MEGF11: variants seen among roughly 807,000 people sequenced by gnomAD.
The protein encoded by MEGF11 is multiple epidermal growth factor-like domains protein 11.
In MEGF11, 126 loss-of-function variants were observed where a neutral mutation model predicts 146.6. The observed-to-expected ratio is 0.86, with a 90% confidence interval of 0.74 to 1.00. MEGF11 has a LOEUF of 1.00. MEGF11 is among the 50% of genes least tolerant of loss of function. The probability of loss-of-function intolerance (pLI) is 0.00; values close to 1 mark genes in which losing one functional copy is unlikely to be tolerated. For synonymous variants in MEGF11, 532 were observed against 583.4 expected (o/e 0.91, Z 1.27); for missense variants, 1,509 against 1,521.2 (o/e 0.99, Z 0.13).
intron 1 of MEGF11, among the ~76,000 whole-genome samples, chr15:66,151,665 C>G (rs7162499): frequency 0.12 from 18,039 of 152,222 alleles, 2,153 homozygotes; most frequent in African/African-American, 0.31. Flanking sequence ...CCAGGAAGAA[C>G]AGGTCATTAG....
At chr15:65,922,676 G>GA in intron 14 of MEGF11, 147 bp downstream of exon 14, 1 of 1,246,768 alleles carries the variant, frequency 8.0e-7, no homozygotes, top group Non-Finnish European at 1.1e-6. Flanking sequence ...CCTGGGGACA[G>GA]AACTGCAGAG....
chr15:66,041,894 C>G (rs1183934302), intron 5 of MEGF11, among the ~76,000 whole-genome samples: 1 of 152,132 alleles, frequency 6.6e-6, no homozygotes, highest in Non-Finnish European at 1.5e-5. Context: ...AGTGGCAGAG[C>G]TGGGATCTAA....
chr15:66,160,236 A>T (rs2089901071), intron 1 of MEGF11, among the ~76,000 whole-genome samples: 1 of 113,954 alleles, frequency 8.8e-6, no homozygotes, highest in African/African-American at 3.9e-5. Context: ...CCTCCCAAGG[A>T]AAAGCCCTCT....
chr15:66,167,212 A>G (rs2090120778), intron 1 of MEGF11, among the ~76,000 whole-genome samples: 1 of 152,212 alleles, frequency 6.6e-6, no homozygotes, highest in South Asian at 2.1e-4. Flanking sequence ...GAAAGTGCCC[A>G]AGCCCAGGGC....
chr15:66,108,681 CAGGA>C (rs1267622386), intron 4 of MEGF11, among the ~76,000 whole-genome samples: 1 of 152,108 alleles, frequency 6.6e-6, no homozygotes, highest in Non-Finnish European at 1.5e-5. Context: ...TTCCTGTGTA[CAGGA>C]GGAGCCAGGA....
intron 16 of MEGF11, among the ~76,000 whole-genome samples, chr15:65,917,582 G>T (rs995891978): frequency 6.6e-6 from 1 of 152,126 alleles, no homozygotes; most frequent in Non-Finnish European, 1.5e-5. Context: ...CACCCAGAGG[G>T]CACTGCACCC....
rs1340195299 is a variant in MEGF11, at chr15:65,982,949, C to T, written c.395-461G>A. Among the ~76,000 whole-genome samples the T allele has an allele frequency of 6.6e-6, 1 of 152,042 alleles. No homozygotes were observed. Among genetic ancestry groups the T allele is most frequent in the Non-Finnish European group, 1.5e-5 (1 of 68,012 alleles). On this transcript the variant is annotated intron_variant, in intron 5 of 25. Coordinates refer to ENST00000395614, the MANE Select transcript of MEGF11 (RefSeq NM_001385028.1). The surrounding 1 kb of genome is among the most constrained non-coding windows in gnomAD (Gnocchi z 5.6). ...CCTCTCTTCTTGGGACCTGCGGGAC[C>T]CAGCCCATTCCAGCTCCCATTTCTC...
intron 5 of MEGF11, among the ~76,000 whole-genome samples, chr15:65,996,892 G>A (rs1265992941): frequency 3.3e-5 from 5 of 152,200 alleles, no homozygotes; most frequent in Non-Finnish European, 2.9e-5. Flanking sequence ...CTTGCCCAAG[G>A]CCATTGGTCT....
chr15:66,235,204 T>C (rs141661315), intron 1 of MEGF11, among the ~76,000 whole-genome samples: 29 of 152,266 alleles, frequency 1.9e-4, no homozygotes, highest in African/African-American at 6.5e-4. Context: ...ATTAAAGCAA[T>C]TCAAAGGTCA....
At chr15:65,986,513 G>T (rs180863100) in intron 5 of MEGF11, among the ~76,000 whole-genome samples, 1 of 152,234 alleles carries the variant, frequency 6.6e-6, no homozygotes, top group East Asian at 1.9e-4. Flanking sequence ...CAATGTTAGG[G>T]TTCACAGGGA....
intron 1 of MEGF11, among the ~76,000 whole-genome samples, chr15:66,141,281 T>TGAGAGAGA (rs1363855739): frequency 1.0e-5 from 1 of 97,622 alleles, no homozygotes. Flanking sequence ...TGTGTGTGTG[T>TGAGAGAGA]GTGTGTGTGA....
chr15:66,137,641 C>A (rs1486656377), intron 1 of MEGF11, among the ~76,000 whole-genome samples: 1 of 151,272 alleles, frequency 6.6e-6, no homozygotes, highest in Non-Finnish European at 1.5e-5. Flanking sequence ...CAGCTTTGAC[C>A]TCCCTGGGCT....
intron 1 of MEGF11, among the ~76,000 whole-genome samples, chr15:66,135,528 G>A (rs764780680): frequency 1.3e-5 from 2 of 152,120 alleles, no homozygotes; most frequent in South Asian, 2.1e-4. Context: ...TCAAAGCACC[G>A]AGGCCCCTCC....
intron 4 of MEGF11, 93 bp from the exon 5 acceptor site, chr15:66,094,587 C>T: frequency 2.7e-6 from 3 of 1,110,974 alleles, no homozygotes; most frequent in African/African-American, 1.5e-5. Flanking sequence ...GTCACAACTC[C>T]CTGGTGCCCA....
intron 5 of MEGF11, among the ~76,000 whole-genome samples, chr15:66,047,327 T>C (rs1444636603): frequency 1.3e-5 from 2 of 152,210 alleles, no homozygotes; most frequent in Non-Finnish European, 2.9e-5. Flanking sequence ...CTGTGTGACC[T>C]GGGGCCAGTT....
chr15:65,937,052 A>C (rs1361070987), intron 10 of MEGF11, among the ~76,000 whole-genome samples: 2 of 152,228 alleles, frequency 1.3e-5, no homozygotes, highest in Non-Finnish European at 2.9e-5. Context: ...TCTGGGAGAC[A>C]AGACCTTCTG....
chr15:66,229,144 GA>G (rs1444182386), intron 1 of MEGF11, among the ~76,000 whole-genome samples: 1 of 151,958 alleles, frequency 6.6e-6, no homozygotes, highest in Admixed American at 6.6e-5. Context: ...TATCACTCAA[GA>G]AAAAATGTTC....
At chr15:66,243,044 T>A (rs868795317) in intron 1 of MEGF11, among the ~76,000 whole-genome samples, 3 of 152,086 alleles carry the variant, frequency 2.0e-5, no homozygotes, top group Non-Finnish European at 2.9e-5. Context: ...CTCTTCTACA[T>A]ACACACACAC....
intron 5 of MEGF11, among the ~76,000 whole-genome samples, chr15:65,985,845 A>T (rs1388635022): frequency 6.6e-6 from 1 of 152,124 alleles, no homozygotes; most frequent in Non-Finnish European, 1.5e-5. Context: ...AGGGGATTAT[A>T]GAAGGACATG....
Sources: allele counts gnomAD v4.1 joint callset (sites outside exome capture counted in the v4.1 genomes callset), GRCh38; gene constraint gnomAD v4.1.1; non-coding constraint Gnocchi (gnomAD v3.1); transcripts MANE v1.5; gene names NCBI Gene and HGNC (gene_info 2026-07-23, HGNC 2026-07-21).